Variants in CFL1 observed in about 807,000 individuals in gnomAD.
CFL1 encodes the protein cofilin 1, also known as cofilin-1.
CFL1 carries 2 observed loss-of-function variants against 16.3 expected under a neutral mutation model. The ratio of observed to expected loss-of-function variants is 0.12; its 90% CI spans 0.05 to 0.39. The LOEUF is 0.39. Among genes scored for constraint, CFL1 ranks in the 10% least tolerant of loss-of-function variants. The pLI is 0.99. For synonymous variants in CFL1, 111 were observed against 84.4 expected (o/e 1.31, Z -1.73); for missense variants, 75 against 212.2 (o/e 0.35, Z 4.02).
chr11:65,857,451 G>T (rs960284533), intron 1 of CFL1: 2 of 429,360 alleles, frequency 4.7e-6, no homozygotes, highest in East Asian at 1.6e-4. Context: ...CAGCTCGTTA[G>T]ATGCGCTCCC....
chr11:65,855,398 A>C lies in CFL1; in HGVS notation c.439T>G (p.Cys147Gly). Residue 147 changes from cysteine (C) to glycine (G), a missense_variant, in exon 4 of 4, where the codon TGC (cysteine) becomes GGC (glycine). Transcript: ENST00000308162. ...CCCCCCAGCTTCTCTGCCAGGGTGC[A>C]GCGGTCCTTGACCTCCTCGTAGCAG... Reference protein sequence around the residue: ...ANCYEEVKDRCTLAEKLGGSA... With the variant: ...ANCYEEVKDRGTLAEKLGGSA... 1 of 1,613,228 alleles carries C rather than the reference A, an allele frequency of 6.2e-7. No homozygotes were observed.
chr11:65,854,696 G>C lies in CFL1; in HGVS notation c.*640C>G, dbSNP rs1469185113. 6.6e-6 allele frequency: 1 copy of C among 152,498 alleles called. No individual in the cohort carries two copies. The highest frequency in any genetic ancestry group is 2.4e-5 in the African/African-American group (1 of 41,454). The allele number at this position is 152,498 out of a possible 1,614,324, so 9.4% of individuals were successfully genotyped here. ...CATTGGAGCCAGATAAGGGTGTGCA[G>C]GGGCTGGTTGGGTGTGGAGTACAGA... is the stretch of plus-strand genomic sequence containing the variant. On this transcript the variant is annotated 3_prime_UTR_variant, in exon 4 of 4. Coordinates refer to ENST00000308162, the MANE Select transcript of CFL1 (RefSeq NM_005507.3).
chr11:65,856,059 T>A lies in CFL1; in HGVS notation c.187A>T (p.Thr63Ser), dbSNP rs544890597. The change falls in exon 2 of 4, where the codon ACT becomes TCT. Residue 63 changes from threonine (T) to serine (S), a missense_variant. Physicochemically the swap from Thr to Ser is moderately conservative, Grantham distance 58. Transcript: ENST00000308162. ...AAGGTGGCGTAGGGGTCGTCGACAG[T>A]CTGGCCCACATCGCCCACCAGGATC... ...KEILVGDVGQ[T>S]VDDPYATFVK... is the part of the protein sequence containing the mutation. The A allele has an allele frequency of 5.3e-5, 86 of 1,614,034 alleles. No homozygotes were observed. The highest frequency in any genetic ancestry group is 7.0e-5 in the Non-Finnish European group (83 of 1,180,036).
intron 1 of CFL1, chr11:65,856,658 G>C (rs950873003): frequency 4.5e-6 from 1 of 222,378 alleles, no homozygotes; most frequent in Non-Finnish European, 9.2e-6. Flanking sequence ...TCTTCAGAAA[G>C]AGCCAAGACC....
At position 65,858,167 on chromosome 11, in the gene CFL1, G is replaced by A; in HGVS notation, c.-68C>T. The A allele has an allele frequency of 6.7e-7, 1 of 1,493,204 alleles. No individual in the cohort carries two copies. The highest frequency in any genetic ancestry group is 9.0e-7 in the Non-Finnish European group (1 of 1,115,996). The allele number at this position is 1,493,204 out of a possible 1,614,324, so 92.5% of individuals were successfully genotyped here. On this transcript the variant is annotated 5_prime_UTR_variant, in exon 1 of 4. Coordinates refer to ENST00000308162, the MANE Select transcript of CFL1 (RefSeq NM_005507.3). ...GACGAGAGCGCTGCAGCCGCTGCCG[G>A]GACCCGACTGAACGCGGCCTCTCCC... is the stretch of plus-strand genomic sequence containing the variant.
intron 1 of CFL1, chr11:65,857,531 C>A: frequency 3.6e-6 from 1 of 281,508 alleles, no homozygotes; most frequent in Non-Finnish European, 7.7e-6. Context: ...CAGGCACCCA[C>A]GCCCCAACCG....
chr11:65,857,836 C>T (rs1044966343), intron 1 of CFL1: 78 of 273,216 alleles, frequency 2.9e-4, no homozygotes, highest in Non-Finnish European at 4.5e-4. Flanking sequence ...GAACCCCTCC[C>T]CCCGCGGCCG....
Position 65,856,188 on chromosome 11 carries a change from C to A in CFL1, c.58G>T (p.Val20Leu). ...TCCTCTGGCGTTGAAGACTTACGCA[C>A]CTTCATGTCGTTGAACACCTTGATG... Reference protein sequence around the residue: ...GVIKVFNDMKVRKSSTPEEVK... With the variant: ...GVIKVFNDMKLRKSSTPEEVK... Residue 20 changes from valine to leucine, a missense_variant, in exon 2 of 4, where the codon GTG (valine) becomes TTG (leucine). Physicochemically the swap from Val to Leu is conservative, Grantham distance 32. Coordinates refer to ENST00000308162, the MANE Select transcript of CFL1 (RefSeq NM_005507.3). 2 of 1,614,204 alleles carry A rather than the reference C, an allele frequency of 1.2e-6. No individual in the cohort carries two copies. Among genetic ancestry groups the A allele is most frequent in the South Asian group, 1.1e-5 (1 of 91,084 alleles).
At chr11:65,855,870 G>T in intron 2 of CFL1, 65 bp downstream of exon 2, 1 of 1,558,796 alleles carries the variant, frequency 6.4e-7, no homozygotes, top group Non-Finnish European at 8.7e-7. Context: ...TTGACCAGGA[G>T]CCACAGAAGT....
At position 65,855,183 on chromosome 11, in the gene CFL1, T is replaced by C. The variant is rs1327112444; in HGVS notation, c.*153A>G. 2.8e-5 allele frequency: 17 copies of C among 611,160 alleles called. No homozygotes were observed. The highest frequency in any genetic ancestry group is 3.5e-5 in the Non-Finnish European group (12 of 341,668). The allele number at this position is 611,160 out of a possible 1,614,324, so 37.9% of individuals were successfully genotyped here. A position where few individuals can be genotyped will look rare whatever the true frequency, so the allele number is the denominator to read the frequency against. On this transcript the variant is annotated 3_prime_UTR_variant, in exon 4 of 4. Transcript: ENST00000308162. ...GGAGGGAGAAGGAAAATCCAGGGGG[T>C]GGGGGGTCTGTTTGGCAACTGGGGT...
At position 65,858,159 on chromosome 11, in the gene CFL1, C is replaced by T. The variant is rs1859424089; in HGVS notation, c.-60G>A. The T allele has an allele frequency of 1.3e-6, 2 of 1,508,698 alleles. No homozygotes were observed. Among genetic ancestry groups the T allele is most frequent in the South Asian group, 1.2e-5 (1 of 80,344 alleles). The allele number at this position is 1,508,698 out of a possible 1,614,324, so 93.5% of individuals were successfully genotyped here. On this transcript the variant is annotated 5_prime_UTR_variant, in exon 1 of 4. Transcript: ENST00000308162. Reference sequence around the variant, plus strand: ...CCGCAGAAGACGAGAGCGCTGCAGCCGCTGCCGGGACCCGACTGAACGCGG... The same window carrying T: ...CCGCAGAAGACGAGAGCGCTGCAGCTGCTGCCGGGACCCGACTGAACGCGG...
At chr11:65,857,325 A>G (rs1859405403) in intron 1 of CFL1, 2 of 345,604 alleles carry the variant, frequency 5.8e-6, no homozygotes, top group East Asian at 1.1e-4. Context: ...ACTCAGGCCC[A>G]TCCGGGAAGG....
Position 65,855,750 on chromosome 11 carries a change from A to G in CFL1, c.312-20T>C. The G allele has an allele frequency of 6.5e-7, 1 of 1,529,792 alleles. No homozygotes were observed. Among genetic ancestry groups the G allele is most frequent in the Non-Finnish European group, 8.8e-7 (1 of 1,139,752 alleles). The allele number at this position is 1,529,792 out of a possible 1,614,324, so 94.8% of individuals were successfully genotyped here. A position where few individuals can be genotyped will look rare whatever the true frequency, so the allele number is the denominator to read the frequency against. ...GGGGCCCTGGACAGAAACACGCGTC[A>G]GGCAACTCCCAGCAACAGCAAAGCC... On this transcript the variant is annotated intron_variant, in intron 2 of 3. Transcript: ENST00000308162.
chr11:65,855,537 T>A (rs112357246), intron 3 of CFL1, 89 bp from the exon 4 acceptor site: 1 of 1,558,148 alleles, frequency 6.4e-7, no homozygotes, highest in Admixed American at 1.7e-5. Flanking sequence ...TCAAAGCAGA[T>A]GGAAGGAACA....
At chr11:65,855,537 TGGAA>T in intron 3 of CFL1, 89 bp from the exon 4 acceptor site, 2 of 1,558,266 alleles carry the variant, frequency 1.3e-6, no homozygotes, top group Non-Finnish European at 1.8e-6. Flanking sequence ...TCAAAGCAGA[TGGAA>T]GGAACAAGCA....
Position 65,855,287 on chromosome 11 carries a change from G to A in CFL1, c.*49C>T, listed in dbSNP as rs542555902. The A allele has an allele frequency of 1.3e-4, 198 of 1,494,064 alleles. No homozygotes were observed. The highest frequency in any genetic ancestry group is 1.7e-4 in the Non-Finnish European group (186 of 1,073,688). The allele number at this position is 1,494,064 out of a possible 1,614,324, so 92.6% of individuals were successfully genotyped here. A position where few individuals can be genotyped will look rare whatever the true frequency, so the allele number is the denominator to read the frequency against. The stretch of plus-strand genomic sequence containing the variant: ...GAAGGGGGCAGCCTGCAACCCCCAA[G>A]GGCAGGTGTGGGGCTGCCAGATGCT... On this transcript the variant is annotated 3_prime_UTR_variant, in exon 4 of 4. Coordinates refer to ENST00000308162, the MANE Select transcript of CFL1 (RefSeq NM_005507.3).
At chr11:65,857,915 G>T in intron 1 of CFL1, 182 bp downstream of exon 1, 1 of 462,566 alleles carries the variant, frequency 2.2e-6, no homozygotes, top group Non-Finnish European at 3.5e-6. Context: ...CGTCCAGACC[G>T]GCCCTCCCCG....
intron 1 of CFL1, chr11:65,857,502 C>T (rs1859409461): frequency 2.3e-5 from 8 of 348,630 alleles, no homozygotes; most frequent in South Asian, 1.5e-4. Context: ...CCAAGCCTTG[C>T]GGTGCAAGGC....
rs1859424055 is a variant in CFL1, at chr11:65,858,158, C to T, written c.-59G>A. On this transcript the variant is annotated 5_prime_UTR_variant, in exon 1 of 4. Transcript: ENST00000308162. ...GCCGCAGAAGACGAGAGCGCTGCAG[C>T]CGCTGCCGGGACCCGACTGAACGCG... The T allele has an allele frequency of 6.6e-7, 1 of 1,509,452 alleles. No homozygotes were observed. Among genetic ancestry groups the T allele is most frequent in the Non-Finnish European group, 8.9e-7 (1 of 1,127,372 alleles). The allele number at this position is 1,509,452 out of a possible 1,614,324, so 93.5% of individuals were successfully genotyped here. A position where few individuals can be genotyped will look rare whatever the true frequency, so the allele number is the denominator to read the frequency against.
Sources: allele counts gnomAD v4.1 joint callset, GRCh38; gene constraint gnomAD v4.1.1; transcripts MANE v1.5; gene names NCBI Gene and HGNC (gene_info 2026-07-23, HGNC 2026-07-21).